MRPL45: variants seen among roughly 807,000 people sequenced by gnomAD.
The protein encoded by MRPL45 is mitochondrial ribosomal protein L45, also known as large ribosomal subunit protein mL45.
In MRPL45, 20 loss-of-function variants were observed where a neutral mutation model predicts 38.1. The ratio of observed to expected loss-of-function variants is 0.53; its 90% CI spans 0.37 to 0.76. The LOEUF (loss-of-function observed/expected upper bound fraction) is 0.76. Ranked by LOEUF, MRPL45 falls within the 30% of genes least tolerant of loss-of-function variation. The probability of loss-of-function intolerance (pLI) is 0.00; values close to 1 mark genes in which losing one functional copy is unlikely to be tolerated. For missense variants in MRPL45, 337 were observed against 395.6 expected (o/e 0.85, Z 1.26); for synonymous variants, 105 against 128.8 (o/e 0.82, Z 1.25).
At chr17:38,300,642 T>G (rs2036984607) in intron 3 of MRPL45, among the ~76,000 whole-genome samples, 1 of 152,148 alleles carries the variant, frequency 6.6e-6, no homozygotes, top group African/African-American at 2.4e-5. Flanking sequence ...CCATGACTTA[T>G]TTCTCTACAT....
At chr17:38,319,414 C>A (rs2037208906) in intron 5 of MRPL45, among the ~76,000 whole-genome samples, 1 of 152,066 alleles carries the variant, frequency 6.6e-6, no homozygotes, top group South Asian at 2.1e-4. Context: ...GGTGATCCGC[C>A]CGCCTCGGCC....
intron 4 of MRPL45, among the ~76,000 whole-genome samples, chr17:38,315,147 A>G (rs1045978784): frequency 6.6e-6 from 1 of 152,250 alleles, no homozygotes; most frequent in African/African-American, 2.4e-5. Flanking sequence ...TACTTTTCCT[A>G]CATAGTAGTA....
At chr17:38,315,568 C>T (rs548638903) in intron 4 of MRPL45, among the ~76,000 whole-genome samples, 1 of 151,900 alleles carries the variant, frequency 6.6e-6, no homozygotes, top group Non-Finnish European at 1.5e-5. Flanking sequence ...TGTGCCCAGC[C>T]TATTGCCACT....
At chr17:38,300,567 A>G (rs988016604) in intron 3 of MRPL45, among the ~76,000 whole-genome samples, 3 of 152,136 alleles carry the variant, frequency 2.0e-5, no homozygotes, top group South Asian at 2.1e-4. Context: ...CGCTGTCACT[A>G]TATGTAAATC....
At chr17:38,304,444 C>G (rs2037030162) in intron 3 of MRPL45, among the ~76,000 whole-genome samples, 1 of 152,238 alleles carries the variant, frequency 6.6e-6, no homozygotes, top group African/African-American at 2.4e-5. Context: ...TCACTGTACT[C>G]TAGCCTGGGT....
At chr17:38,301,072 T>C (rs2036990772) in intron 3 of MRPL45, among the ~76,000 whole-genome samples, 1 of 152,214 alleles carries the variant, frequency 6.6e-6, no homozygotes, top group Non-Finnish European at 1.5e-5. Context: ...TTTTATAATC[T>C]GGTCCTTGCC....
chr17:38,307,644 C>T (rs1044688180), intron 4 of MRPL45, among the ~76,000 whole-genome samples: 58 of 152,074 alleles, frequency 3.8e-4, no homozygotes, highest in African/African-American at 1.3e-3. Flanking sequence ...CATACCTGGC[C>T]ACCCAGCTTT....
intron 3 of MRPL45, among the ~76,000 whole-genome samples, chr17:38,302,507 T>A (rs1300464641): frequency 9.3e-5 from 5 of 53,972 alleles, no homozygotes; most frequent in Non-Finnish European, 2.2e-4. Flanking sequence ...AAAAAAAAAG[T>A]TTGTTTTTTT....
chr17:38,320,591 G>A (rs748392558), intron 5 of MRPL45, 27 bp from the exon 6 acceptor site: 4 of 1,609,412 alleles, frequency 2.5e-6, no homozygotes, highest in Admixed American at 1.7e-5. Flanking sequence ...GAAAAATGCA[G>A]TTGAACTTGT....
At chr17:38,305,506 CTT>C (rs1012441229) in intron 3 of MRPL45, among the ~76,000 whole-genome samples, 2 of 148,428 alleles carry the variant, frequency 1.3e-5, no homozygotes, top group Middle Eastern at 3.4e-3. Flanking sequence ...TATTCTGACT[CTT>C]TTTTTTGAGA....
chr17:38,316,094 T>C (rs2037170469), intron 4 of MRPL45, among the ~76,000 whole-genome samples: 1 of 152,168 alleles, frequency 6.6e-6, no homozygotes, highest in South Asian at 2.1e-4. Flanking sequence ...CTTCAAATTT[T>C]TTTTCTATCC....
chr17:38,310,362 T>G (rs1307314944), intron 4 of MRPL45, among the ~76,000 whole-genome samples: 2 of 151,416 alleles, frequency 1.3e-5, no homozygotes, highest in Non-Finnish European at 2.9e-5. Flanking sequence ...GGAGTCTTGC[T>G]CTGTCACCCT....
intron 3 of MRPL45, among the ~76,000 whole-genome samples, chr17:38,303,515 C>G (rs1597646066): frequency 1.3e-5 from 2 of 151,518 alleles, no homozygotes; most frequent in South Asian, 2.1e-4. Context: ...AGGCTGGTCT[C>G]GAACTCCTGA....
chr17:38,309,589 C>G (rs2037090193), intron 4 of MRPL45, among the ~76,000 whole-genome samples: 1 of 147,394 alleles, frequency 6.8e-6, no homozygotes, highest in African/African-American at 2.5e-5. Flanking sequence ...TATGATTTAT[C>G]TATGGGTATC....
At position 38,322,210 on chromosome 17, in the gene MRPL45, G is replaced by C. The variant is rs767927015; in HGVS notation, c.745G>C (p.Glu249Gln). 9.3e-6 allele frequency: 15 copies of C among 1,613,940 alleles called. No homozygotes were observed. The highest frequency in any genetic ancestry group is 1.2e-5 in the Non-Finnish European group (14 of 1,180,012). The change falls in exon 7 of 8, where the codon GAA (glutamate) becomes CAA (glutamine). Residue 249 changes from glutamate (E) to glutamine (Q), a missense_variant. This residue lies in a region of MRPL45 where 251 missense variants were observed against 269.1 expected (regional missense o/e 0.93). Transcript: ENST00000613675. The stretch of plus-strand genomic sequence containing the variant: ...GGATGTCCTGGAGTATGTTGTATTC[G>C]AAAAGCAGTTGACAAACCCCTATGG... ...PKDVLEYVVF[E>Q]KQLTNPYGSW...
In MRPL45 at chr17:38,299,492, A is replaced by G. The variant is rs771500339; in HGVS notation, c.362+24A>G. 5.8e-6 allele frequency: 9 copies of G among 1,564,292 alleles called. No individual in the cohort carries two copies. In the African/African-American group the frequency reaches 7.0e-5, roughly 12 times the overall value. Reference sequence around the variant, plus strand: ...TCGTAGGTGTCTGAGACAATTGGGTATTGGTATTAGAATAACAATTTTTTG... The same window carrying G: ...TCGTAGGTGTCTGAGACAATTGGGTGTTGGTATTAGAATAACAATTTTTTG... On this transcript the variant is annotated intron_variant, in intron 3 of 7. Coordinates refer to ENST00000613675, the MANE Select transcript of MRPL45 (RefSeq NM_032351.6).
At chr17:38,300,374 G>A (rs1468056258) in intron 3 of MRPL45, among the ~76,000 whole-genome samples, 3 of 151,992 alleles carry the variant, frequency 2.0e-5, no homozygotes, top group Admixed American at 6.6e-5. Flanking sequence ...ATGTTGCCCA[G>A]GCTGGTCTCG....
intron 7 of MRPL45, 86 bp downstream of exon 7, chr17:38,322,385 A>G (rs2144244211): frequency 1.2e-6 from 1 of 813,040 alleles, no homozygotes; most frequent in African/African-American, 4.1e-5. Context: ...TAGTGGCGAG[A>G]GGGGGTGATG....
At chr17:38,321,307 C>T (rs1292797482) in intron 6 of MRPL45, among the ~76,000 whole-genome samples, 1 of 152,112 alleles carries the variant, frequency 6.6e-6, no homozygotes, top group African/African-American at 2.4e-5. Context: ...GTCTCTCTGC[C>T]CCCTGTCAAA....
Sources: allele counts gnomAD v4.1 joint callset (sites outside exome capture counted in the v4.1 genomes callset), GRCh38; gene constraint gnomAD v4.1.1; regional missense constraint gnomAD v4.1.1; transcripts MANE v1.5; gene names NCBI Gene and HGNC (gene_info 2026-07-23, HGNC 2026-07-21).